Variants in MACROD2 observed in about 807,000 individuals in gnomAD.
The protein encoded by MACROD2 is mono-ADP ribosylhydrolase 2.
In MACROD2, 36 loss-of-function variants were observed where a neutral mutation model predicts 70.4. The observed-to-expected ratio is 0.51, with a 90% CI of 0.39 to 0.68. The LOEUF is 0.68. MACROD2 is among the 30% of genes least tolerant of loss of function. The probability of loss-of-function intolerance (pLI) is 0.00; values close to 1 mark genes in which losing one functional copy is unlikely to be tolerated. For missense variants in MACROD2, 496 were observed against 538.4 expected (o/e 0.92, Z 0.78); for synonymous variants, 172 against 178.8 (o/e 0.96, Z 0.30).
chr20:14,680,852 TAAG>T (rs780957557), intron 4 of MACROD2, among the ~76,000 whole-genome samples: 1 of 151,956 alleles, frequency 6.6e-6, no homozygotes, highest in Non-Finnish European at 1.5e-5. Flanking sequence ...AGGAAAACAG[TAAG>T]AAGAAGAACC....
chr20:15,862,944 T>G (rs1386165697), intron 9 of MACROD2, 118 bp downstream of exon 9: 2 of 703,326 alleles, frequency 2.8e-6, no homozygotes, highest in East Asian at 2.7e-5. Context: ...CCTGCCAACT[T>G]GTATCATAGT....
chr20:15,265,180 G>A (rs1394770910), intron 6 of MACROD2, among the ~76,000 whole-genome samples: 2 of 152,130 alleles, frequency 1.3e-5, no homozygotes, highest in African/African-American at 2.4e-5. Context: ...CACCCTGCAA[G>A]CTCTCCTCTC....
intron 8 of MACROD2, among the ~76,000 whole-genome samples, chr20:15,583,554 C>T (rs978579628): frequency 1.3e-5 from 2 of 152,192 alleles, no homozygotes; most frequent in Admixed American, 6.5e-5. Flanking sequence ...AGCCTTTATG[C>T]TCTTCCCAGT....
At chr20:15,142,022 G>GT (rs1264893982) in intron 5 of MACROD2, among the ~76,000 whole-genome samples, 1 of 152,118 alleles carries the variant, frequency 6.6e-6, no homozygotes, top group Non-Finnish European at 1.5e-5. Context: ...CTCATAATCA[G>GT]TTTTTCTTTT....
chr20:15,206,378 T>A (rs1204601567), intron 5 of MACROD2, among the ~76,000 whole-genome samples: 2 of 152,182 alleles, frequency 1.3e-5, no homozygotes, highest in East Asian at 1.9e-4. Context: ...CTATTGCTTA[T>A]TCTGTTTAAA....
Position 16,005,059 on chromosome 20 carries a change from A to G in MACROD2, c.1153+17901A>G, listed in dbSNP as rs1483187767. On this transcript the variant is annotated intron_variant, in intron 15 of 17. Transcript: ENST00000684519. ...TTTGATGAACAGGATATATGGGGGGAAAATGAAGATAAAAATTCCCCATCA... is the reference window on the plus strand; with the variant it reads ...TTTGATGAACAGGATATATGGGGGGGAAATGAAGATAAAAATTCCCCATCA... Among the ~76,000 whole-genome samples the G allele has an allele frequency of 2.6e-5, 4 of 152,120 alleles. No homozygotes were observed. In the South Asian group the frequency reaches 6.2e-4, roughly 24 times the overall value.
At chr20:15,701,401 T>C (rs1168195176) in intron 8 of MACROD2, among the ~76,000 whole-genome samples, 3 of 152,240 alleles carry the variant, frequency 2.0e-5, no homozygotes, top group Non-Finnish European at 1.5e-5. Context: ...GAGAACATCT[T>C]AATTGAGGTA....
At chr20:15,667,499 G>GTATC (rs76898460) in intron 8 of MACROD2, among the ~76,000 whole-genome samples, 2,422 of 150,328 alleles carry the variant, frequency 0.016, 38 homozygotes, top group African/African-American at 0.043. Flanking sequence ...ATCTATCTAT[G>GTATC]TATCTATCTA....
chr20:14,792,931 A>T (rs909674202), intron 5 of MACROD2, among the ~76,000 whole-genome samples: 3 of 152,098 alleles, frequency 2.0e-5, no homozygotes, highest in Non-Finnish European at 2.9e-5. Flanking sequence ...AAGCTACCAA[A>T]TAAAAGTTAT....
rs142972319 is a variant in MACROD2, at chr20:14,236,053, A to G, written c.271+150325A>G. 6.8e-3 allele frequency among the ~76,000 whole-genome samples: 1,033 copies of G among 152,276 alleles called. 16 individuals carry two copies. The highest frequency in any genetic ancestry group is 0.049 in the South Asian group (237 of 4,828). ...AAAATAACCAAGTTACTTAGCCTATATGACGAAGTTTCCTAAAAACCCCTC... is the reference window on the plus strand; with the variant it reads ...AAAATAACCAAGTTACTTAGCCTATGTGACGAAGTTTCCTAAAAACCCCTC... On this transcript the variant is annotated intron_variant, in intron 3 of 17. Transcript: ENST00000684519.
chr20:14,485,472 C>T (rs375224140), intron 3 of MACROD2, among the ~76,000 whole-genome samples: 41 of 152,176 alleles, frequency 2.7e-4, no homozygotes, highest in African/African-American at 8.9e-4. Flanking sequence ...GAGGCTGAGG[C>T]GGGCGAATCA....
At chr20:14,266,265 A>G (rs1002201234) in intron 3 of MACROD2, among the ~76,000 whole-genome samples, 1 of 152,116 alleles carries the variant, frequency 6.6e-6, no homozygotes, top group Non-Finnish European at 1.5e-5. Context: ...ATTTTCTTAT[A>G]TATAAAATGA....
chr20:14,192,922 A>T (rs897488181), intron 3 of MACROD2, among the ~76,000 whole-genome samples: 1 of 152,214 alleles, frequency 6.6e-6, no homozygotes, highest in African/African-American at 2.4e-5. Context: ...AACAATTCAT[A>T]GGGAGTTATT....
At chr20:15,979,273 T>C (rs2066359301) in intron 13 of MACROD2, among the ~76,000 whole-genome samples, 1 of 152,168 alleles carries the variant, frequency 6.6e-6, no homozygotes, top group African/African-American at 2.4e-5. Flanking sequence ...ATTCAGGATC[T>C]AGACGAAGGA....
chr20:15,032,279 C>T (rs933724320), intron 5 of MACROD2, among the ~76,000 whole-genome samples: 3 of 152,182 alleles, frequency 2.0e-5, no homozygotes, highest in African/African-American at 7.2e-5. Flanking sequence ...CTCAGGGCTC[C>T]CGCCCCGCCA....
rs535667860 is a variant in MACROD2 at position 14,244,481 on chromosome 20, G to A, written c.271+158753G>A. On this transcript the variant is annotated intron_variant, in intron 3 of 17. Coordinates refer to ENST00000684519, the MANE Select transcript of MACROD2 (RefSeq NM_001351661.2). Reference sequence around the variant, plus strand: ...ATGTAGATGGCCAACTCTAGAAGGAGGTGTGACATTGTGGTGTCCAGGCTG... The same window carrying A: ...ATGTAGATGGCCAACTCTAGAAGGAAGTGTGACATTGTGGTGTCCAGGCTG... 2.0e-5 allele frequency among the ~76,000 whole-genome samples: 3 copies of A among 152,142 alleles called. No homozygotes were observed. In the East Asian group the frequency reaches 5.8e-4, roughly 29 times the overall value.
At chr20:14,387,110 A>G (rs558774896) in intron 3 of MACROD2, among the ~76,000 whole-genome samples, 29 of 152,346 alleles carry the variant, frequency 1.9e-4, no homozygotes, top group African/African-American at 7.0e-4. Context: ...TTTCAACATA[A>G]GACAATTAAT....
At chr20:15,538,164 TAAAA>T (rs1461936046) in intron 8 of MACROD2, among the ~76,000 whole-genome samples, 1 of 152,138 alleles carries the variant, frequency 6.6e-6, no homozygotes. Context: ...AAAAACAACT[TAAAA>T]AAACTACCTA....
chr20:14,234,814 C>T (rs946123315), intron 3 of MACROD2, among the ~76,000 whole-genome samples: 2 of 152,152 alleles, frequency 1.3e-5, no homozygotes, highest in Non-Finnish European at 2.9e-5. Context: ...GGATGCCTCT[C>T]CCTTTCTTTG....
Sources: allele counts gnomAD v4.1 joint callset (sites outside exome capture counted in the v4.1 genomes callset), GRCh38; gene constraint gnomAD v4.1.1; transcripts MANE v1.5; gene names NCBI Gene and HGNC (gene_info 2026-07-23, HGNC 2026-07-21).